Variants in SLC2A5 observed in about 807,000 individuals in gnomAD.
SLC2A5 encodes the protein solute carrier family 2 member 5.
In SLC2A5, 56 loss-of-function variants were observed where a neutral mutation model predicts 50.3. That is an observed-to-expected ratio of 1.11 (90% CI 0.90 to 1.39). The LOEUF (loss-of-function observed/expected upper bound fraction) is 1.39. SLC2A5 is among the 40% of genes most tolerant of loss of function. SLC2A5 has a pLI of 0.00. For missense variants in SLC2A5, 566 were observed against 650.1 expected (o/e 0.87, Z 1.41); for synonymous variants, 269 against 281.9 (o/e 0.95, Z 0.46).
intron 1 of SLC2A5, among the ~76,000 whole-genome samples, chr1:9,064,914 A>G (rs920531430): frequency 6.6e-6 from 1 of 152,010 alleles, no homozygotes; most frequent in Non-Finnish European, 1.5e-5. Context: ...TTAGCCGGGC[A>G]TGGTGGCACA....
At position 9,064,925 on chromosome 1, in the gene SLC2A5, C is replaced by T. The variant is rs928925901; in HGVS notation, c.33+4579G>A. Among the ~76,000 whole-genome samples, 4 of 151,960 alleles carry T rather than the reference C, an allele frequency of 2.6e-5. No homozygotes were observed. The South Asian group carries it at 6.2e-4, about 24-fold the overall frequency. ...AAAGTTAGCCGGGCATGGTGGCACA[C>T]GTCTGTAATCCCAGCTACTCGGGAG... On this transcript the variant is annotated intron_variant, in intron 1 of 11. Coordinates refer to ENST00000377424, the MANE Select transcript of SLC2A5 (RefSeq NM_003039.3).
intron 3 of SLC2A5, among the ~76,000 whole-genome samples, chr1:9,052,653 A>G (rs1641608006): frequency 6.6e-6 from 1 of 152,142 alleles, no homozygotes; most frequent in Non-Finnish European, 1.5e-5. Flanking sequence ...CATGTATTGG[A>G]GGAGAGGTAC....
chr1:9,057,616 A>G lies in SLC2A5; in HGVS notation c.133-8T>C. The G allele has an allele frequency of 6.2e-7, 1 of 1,608,480 alleles. No homozygotes were observed. The highest frequency in any genetic ancestry group is 1.1e-5 in the South Asian group (1 of 90,450). On this transcript the variant is annotated splice_polypyrimidine_tract_variant and splice_region_variant and intron_variant, in intron 2 of 11. Coordinates refer to ENST00000377424, the MANE Select transcript of SLC2A5 (RefSeq NM_003039.3). ...GTAAAATTGTTGCATGAGCTAGGAG[A>G]CAAAGCAAAACAGAACACCAAAATA...
chr1:9,058,231 G>A lies in SLC2A5; in HGVS notation c.53C>T (p.Ala18Val), dbSNP rs921695589. The change falls in exon 2 of 12, where the codon GCC becomes GTC. Residue 18 changes from alanine to valine, a missense_variant. Transcript: ENST00000377424. ...AAAGGCAGCTATCAGGGTTGCCAGG[G>A]CAAGCACAAGCGTCAGCCTCTGCAG... ...MKEGRLTLVL[A>V]LATLIAAFGS... 13 of 1,613,764 alleles carry A rather than the reference G, an allele frequency of 8.1e-6. 1 individual carries two copies. The Admixed American group carries it at 1.7e-4, about 21-fold the overall frequency.
intron 1 of SLC2A5, among the ~76,000 whole-genome samples, chr1:9,065,243 C>A (rs1461740896): frequency 6.6e-6 from 1 of 152,138 alleles, no homozygotes; most frequent in African/African-American, 2.4e-5. Context: ...AGTCCTCAAC[C>A]TTGGCCCCAG....
intron 8 of SLC2A5, 108 bp downstream of exon 8, chr1:9,039,444 T>G (rs991330549): frequency 1.9e-5 from 14 of 736,456 alleles, no homozygotes; most frequent in Non-Finnish European, 2.2e-6. Flanking sequence ...TAGCGGCTGG[T>G]CCTCCACGTT....
intron 2 of SLC2A5, among the ~76,000 whole-genome samples, chr1:9,083,606 C>T (rs572313452): frequency 8.0e-5 from 12 of 150,434 alleles, no homozygotes; most frequent in South Asian, 2.1e-4. Context: ...GCAGATCACC[C>T]GAGGTCAGGA....
intron 1 of SLC2A5, among the ~76,000 whole-genome samples, chr1:9,060,639 A>C: frequency 1.0e-5 from 1 of 97,140 alleles, no homozygotes; most frequent in African/African-American, 3.9e-5. Flanking sequence ...ACACACATAC[A>C]GCCCACACAC....
intron 2 of SLC2A5, among the ~76,000 whole-genome samples, chr1:9,080,047 T>C (rs937089771): frequency 2.6e-5 from 4 of 152,220 alleles, no homozygotes; most frequent in Middle Eastern, 3.2e-3. Flanking sequence ...CTCATGTAAG[T>C]AGGATCATGC....
At position 9,069,514 on chromosome 1, in the gene SLC2A5, A is replaced by G. The variant is rs1557681746; in HGVS notation, c.23T>C (p.Met8Thr). ...GAGCAACACACTCACCCCTTCCTTC[A>G]TGCTCTGATCCTGTTGCTCCATGCT... MEQQDQS[M>T]KEGRLTLVLA... The change falls in exon 1 of 12, where the codon ATG becomes ACG. Residue 8 changes from methionine to threonine, a missense_variant. By Grantham distance (81) the Met-to-Thr change is moderately conservative. Coordinates refer to ENST00000377424, the MANE Select transcript of SLC2A5 (RefSeq NM_003039.3). 6.2e-7 allele frequency: 1 copy of G among 1,614,070 alleles called. No homozygotes were observed. The highest frequency in any genetic ancestry group is 2.2e-5 in the East Asian group (1 of 44,882).
chr1:9,060,568 ACATACACACC>A (rs1641909103), intron 1 of SLC2A5, among the ~76,000 whole-genome samples: 2 of 134,024 alleles, frequency 1.5e-5, no homozygotes, highest in Non-Finnish European at 1.6e-5. Context: ...CACACCACAC[ACATACACACC>A]CACCCCCCAC....
rs1641129424 is a variant in SLC2A5, at chr1:9,036,143, T to C, written c.*1443A>G. 6.6e-6 allele frequency: 1 copy of C among 152,200 alleles called. No individual in the cohort carries two copies. The highest frequency in any genetic ancestry group is 6.5e-5 in the Admixed American group (1 of 15,270). 9.4% of individuals were successfully genotyped at this position (152,200 alleles called of 1,614,324 possible). On this transcript the variant is annotated 3_prime_UTR_variant, in exon 12 of 12. Transcript: ENST00000377424. ...AGACTCCTCAAGATTTCATTACATA[T>C]GTGAGGACATTTGGAAGCTTCCTCA... is the stretch of plus-strand genomic sequence containing the variant.
intron 3 of SLC2A5, among the ~76,000 whole-genome samples, chr1:9,054,281 C>T (rs1641698767): frequency 6.6e-6 from 1 of 152,110 alleles, no homozygotes; most frequent in Admixed American, 6.6e-5. Context: ...ATCCTTGGTC[C>T]TTTACGATGA....
At chr1:9,057,292 T>TAA (rs760221358) in intron 3 of SLC2A5, among the ~76,000 whole-genome samples, 156 bp downstream of exon 3, 16 of 103,420 alleles carry the variant, frequency 1.5e-4, no homozygotes, top group South Asian at 2.6e-4. Flanking sequence ...TCTCAAAAAT[T>TAA]AAAAAAAAAA....
At chr1:9,082,597 T>C (rs58634632) in intron 2 of SLC2A5, 4,187 of 157,310 alleles carry the variant, frequency 0.027, 208 homozygotes, top group African/African-American at 0.096. Flanking sequence ...TTCAAAAACA[T>C]GCTGAGTGAA....
intron 3 of SLC2A5, among the ~76,000 whole-genome samples, chr1:9,053,168 A>G (rs1222650171): frequency 1.1e-5 from 1 of 90,560 alleles, no homozygotes; most frequent in African/African-American, 4.8e-5. Context: ...ATATATTTAT[A>G]TATTTTATAT....
upstream of SLC2A5, among the ~76,000 whole-genome samples, chr1:9,073,427 A>G (rs1465243596): frequency 6.6e-6 from 1 of 152,206 alleles, no homozygotes; most frequent in Non-Finnish European, 1.5e-5. Flanking sequence ...AGCTTTGCCT[A>G]TTTCTCCATC....
chr1:9,059,897 C>T (rs1211898554), intron 1 of SLC2A5, among the ~76,000 whole-genome samples: 2 of 151,788 alleles, frequency 1.3e-5, no homozygotes, highest in Non-Finnish European at 2.9e-5. Flanking sequence ...ATGATCATTC[C>T]TGCCTTGTCA....
At chr1:9,062,342 A>G (rs1641966814) in intron 1 of SLC2A5, among the ~76,000 whole-genome samples, 1 of 152,172 alleles carries the variant, frequency 6.6e-6, no homozygotes, top group Admixed American at 6.5e-5. Flanking sequence ...TGAGGAGAGG[A>G]AGGAGAAGAG....
Sources: gnomAD v4.1 joint callset for allele counts (sites outside exome capture counted in the v4.1 genomes callset) on GRCh38, gnomAD v4.1.1 for gene constraint, MANE v1.5 for transcripts, NCBI Gene and HGNC (gene_info 2026-07-23, HGNC 2026-07-21) for gene names.